LGSN: variants seen among roughly 807,000 people sequenced by gnomAD.
The protein encoded by LGSN is lengsin, lens protein with glutamine synthetase domain.
A neutral mutation model predicts 19.5 loss-of-function variants in LGSN; 21 were observed. That is an observed-to-expected ratio of 1.07 (90% CI 0.76 to 1.55). The LOEUF (loss-of-function observed/expected upper bound fraction) is 1.55. Among genes scored for constraint, LGSN ranks in the 40% most tolerant of loss-of-function variants. LGSN has a pLI of 0.00. For synonymous variants in LGSN, 257 were observed against 215.6 expected (o/e 1.19, Z -1.68); for missense variants, 673 against 608.5 (o/e 1.11, Z -1.12).
chr6:63,502,189 A>G, the LGSN span, among the ~76,000 whole-genome samples: 1 of 152,226 alleles, frequency 6.6e-6, no homozygotes, highest in Non-Finnish European at 1.5e-5. Context: ...AACCACCTCA[A>G]GATAAGAGGA....
chr6:63,490,842 G>A, the LGSN span, among the ~76,000 whole-genome samples: 1 of 152,196 alleles, frequency 6.6e-6, no homozygotes, highest in African/African-American at 2.4e-5. Context: ...AAGCCCAAAG[G>A]CCTGGGACCA....
chr6:63,407,182 G>GGCCA, the LGSN span, among the ~76,000 whole-genome samples: 7 of 151,838 alleles, frequency 4.6e-5, no homozygotes, highest in African/African-American at 1.7e-4. Flanking sequence ...CATTTTATAA[G>GGCCA]GCCAGCATCA....
chr6:63,365,110 ATGTAAAAAACCC>A, the LGSN span, among the ~76,000 whole-genome samples: 1 of 152,180 alleles, frequency 6.6e-6, no homozygotes, highest in Non-Finnish European at 1.5e-5. Flanking sequence ...GAAGATAGAG[ATGTAAAAAACCC>A]TTCAAAAAAT....
Position 63,295,020 on chromosome 6 carries a change from T to G in LGSN, c.56A>C (p.Glu19Ala). ...QEDSTRDEGN[E>A]TEANSMNTLR... ...TGTGTTCATGCTGTTGGCTTCAGTC[T>G]CATTGCCTTCATCTCTTGTTGAGTC... The change falls in exon 2 of 4, where the codon GAG becomes GCG. Residue 19 changes from glutamate (E) to alanine (A), a missense_variant. Coordinates refer to ENST00000370657, the MANE Select transcript of LGSN (RefSeq NM_016571.3). The G allele has an allele frequency of 6.2e-7, 1 of 1,613,620 alleles. No homozygotes were observed. Among genetic ancestry groups the G allele is most frequent in the Non-Finnish European group, 8.5e-7 (1 of 1,179,622 alleles).
At chr6:63,288,726 C>G (rs370397825) in intron 2 of LGSN, among the ~76,000 whole-genome samples, 2 of 152,210 alleles carry the variant, frequency 1.3e-5, no homozygotes, top group Non-Finnish European at 2.9e-5. Flanking sequence ...TCTAAACTCT[C>G]TCTCCCCTTG....
chr6:63,294,767 A>G, intron 2 of LGSN, 146 bp downstream of exon 2: 1 of 735,284 alleles, frequency 1.4e-6, no homozygotes, highest in Non-Finnish European at 2.3e-6. Context: ...TATATTTGCC[A>G]TCTTTTATGA....
the LGSN span, among the ~76,000 whole-genome samples, chr6:63,351,352 A>G: frequency 6.6e-6 from 1 of 152,052 alleles, no homozygotes; most frequent in East Asian, 1.9e-4. Context: ...AAAAAAGCAG[A>G]TATTTGCTTT....
intron 2 of LGSN, among the ~76,000 whole-genome samples, chr6:63,289,115 C>G (rs1436485467): frequency 1.3e-5 from 2 of 152,160 alleles, no homozygotes; most frequent in African/African-American, 4.8e-5. Context: ...CTGCTGTTTT[C>G]TTGGTACTTG....
the LGSN span, among the ~76,000 whole-genome samples, chr6:63,430,295 G>A: frequency 6.6e-6 from 1 of 152,114 alleles, no homozygotes; most frequent in African/African-American, 2.4e-5. Flanking sequence ...TGCTTTGTCA[G>A]GCCTTGGGGT....
At position 63,293,265 on chromosome 6, in the gene LGSN, G is replaced by A. The variant is rs149408942; in HGVS notation, c.163+1648C>T. 8.5e-5 allele frequency among the ~76,000 whole-genome samples: 13 copies of A among 152,256 alleles called. No homozygotes were observed. The East Asian group carries it at 2.5e-3, about 29-fold the overall frequency. ...CCCCTCCTCAGCCTCCCAAAGTGCTGGGATTACAGGTGTAAGCCACTGTGC... is the reference window on the plus strand; with the variant it reads ...CCCCTCCTCAGCCTCCCAAAGTGCTAGGATTACAGGTGTAAGCCACTGTGC... On this transcript the variant is annotated intron_variant, in intron 2 of 3. Coordinates refer to ENST00000370657, the MANE Select transcript of LGSN (RefSeq NM_016571.3).
the LGSN span, among the ~76,000 whole-genome samples, chr6:63,456,697 C>G: frequency 6.6e-6 from 1 of 152,186 alleles, no homozygotes; most frequent in South Asian, 2.1e-4. Context: ...GGTCTGTCAC[C>G]AGACGTAGCC....
At chr6:63,412,620 A>T in the LGSN span, among the ~76,000 whole-genome samples, 1 of 143,552 alleles carries the variant, frequency 7.0e-6, no homozygotes, top group South Asian at 2.2e-4. Context: ...AGGGAAAGGG[A>T]AAGAAGGGAA....
Position 63,280,599 on chromosome 6 carries a change from G to C in LGSN, c.952C>G (p.Leu318Val). 1 of 1,614,048 alleles carries C rather than the reference G, an allele frequency of 6.2e-7. No homozygotes were observed. Among genetic ancestry groups the C allele is most frequent in the Non-Finnish European group, 8.5e-7 (1 of 1,180,028 alleles). The change falls in exon 4 of 4, where the codon CTC (leucine) becomes GTC (valine). Residue 318 changes from leucine to valine, a missense_variant. Physicochemically the swap from Leu to Val is conservative, Grantham distance 32. Coordinates refer to ENST00000370657, the MANE Select transcript of LGSN (RefSeq NM_016571.3). ...TTTTTCTTCCTATCGACATCCCAGA[G>C]ACTATGAGACAAAATCCCTGAATCA... ...FCDSGILSHS[L>V]WDVDRKKNMF... is the part of the protein sequence containing the mutation.
At position 63,285,703 on chromosome 6, in the gene LGSN, T is replaced by C; in HGVS notation, c.214A>G (p.Arg72Gly). 1 of 1,614,064 alleles carries C rather than the reference T, an allele frequency of 6.2e-7. No homozygotes were observed. Among genetic ancestry groups the C allele is most frequent in the Non-Finnish European group, 8.5e-7 (1 of 1,179,954 alleles). Residue 72 changes from arginine (R) to glycine (G), a missense_variant, in exon 3 of 4, where the codon AGA becomes GGA. By Grantham distance (125) the Arg-to-Gly change is moderately radical (BLOSUM62 -2). Transcript: ENST00000370657. ...QILTPPQLSS[R>G]MKHIRQAMAK... ...ATGGCTTGTCTAATGTGTTTCATTC[T>C]AGAAGAGAGTTGAGGTGGGGTCAAA...
the LGSN span, among the ~76,000 whole-genome samples, chr6:63,433,693 C>A: frequency 6.6e-6 from 1 of 152,200 alleles, no homozygotes. Context: ...ATATAAAACA[C>A]TCTCTCTTCA....
intron 1 of LGSN, among the ~76,000 whole-genome samples, chr6:63,309,240 T>G (rs1344131680): frequency 6.6e-6 from 1 of 152,164 alleles, no homozygotes; most frequent in African/African-American, 2.4e-5. Flanking sequence ...GAGACCAGCC[T>G]GGCCAACATG....
the LGSN span, among the ~76,000 whole-genome samples, chr6:63,473,653 C>A: frequency 2.6e-5 from 4 of 151,258 alleles, no homozygotes; most frequent in African/African-American, 9.7e-5. Context: ...TTCATTGTTA[C>A]GAAACAGATG....
the LGSN span, among the ~76,000 whole-genome samples, chr6:63,444,146 G>A: frequency 6.6e-6 from 1 of 151,970 alleles, no homozygotes; most frequent in Non-Finnish European, 1.5e-5. Flanking sequence ...TTATGCACCA[G>A]GCACTGTCTG....
the LGSN span, among the ~76,000 whole-genome samples, chr6:63,393,996 G>C: frequency 6.6e-6 from 1 of 152,118 alleles, no homozygotes; most frequent in African/African-American, 2.4e-5. Flanking sequence ...AACTGGGCGC[G>C]GTGGCTCACA....
Sources: allele counts gnomAD v4.1 joint callset (sites outside exome capture counted in the v4.1 genomes callset), GRCh38; gene constraint gnomAD v4.1.1; transcripts MANE v1.5; gene names NCBI Gene and HGNC (gene_info 2026-07-23, HGNC 2026-07-21).